NRP2: variants seen among roughly 807,000 people sequenced by gnomAD.
NRP2 encodes the protein neuropilin-2.
A neutral mutation model predicts 110.4 loss-of-function variants in NRP2; 52 were observed. The ratio of observed to expected loss-of-function variants is 0.47; its 90% CI spans 0.38 to 0.59. The LOEUF (loss-of-function observed/expected upper bound fraction) is 0.59, where lower values mean the gene tolerates loss of function less well. NRP2 is among the 20% of genes least tolerant of loss of function. The pLI, the probability that NRP2 is intolerant of heterozygous loss-of-function variation, is 0.00. For synonymous variants in NRP2, 508 were observed against 468.9 expected, an observed-to-expected ratio of 1.08 and a Z score of -1.08; for missense variants, 1,049 against 1,203.0, an observed-to-expected ratio of 0.87 and a Z score of 1.89.
In NRP2 at chr2:205,737,284, A is replaced by C. The variant is rs552602009; in HGVS notation, c.1147-3235A>C. On this transcript the variant is annotated intron_variant, in intron 7 of 16. Transcript: ENST00000357785. ...AGGCTGTAAGGGACAACGGGTAACT[A>C]AAGTGCCCTGTTGCAAAATGGACAC... 2.6e-5 allele frequency among the ~76,000 whole-genome samples: 4 copies of C among 152,358 alleles called. No individual in the cohort carries two copies. In the South Asian group the frequency reaches 8.3e-4, roughly 32 times the overall value.
Position 205,763,708 on chromosome 2 carries a change from C to A in NRP2, c.2079C>A (p.Ser693Arg). The A allele has an allele frequency of 1.9e-6, 3 of 1,614,210 alleles. No homozygotes were observed. The highest frequency in any genetic ancestry group is 2.5e-6 in the Non-Finnish European group (3 of 1,180,040). Residue 693 changes from serine to arginine, a missense_variant, in exon 13 of 17, where the codon AGC becomes AGA. Ser to Arg is a moderately radical substitution (Grantham distance 110, BLOSUM62 -1). Coordinates refer to ENST00000357785, the MANE Select transcript of NRP2 (RefSeq NM_003872.3). This position sits in a 1 kb window ranked among gnomAD's most constrained non-coding sequence, Gnocchi z 4.0. ...ATTTCTTGCGGCTGCAGAGTGACAGCCAGAGAGAGGGCCAGTATGCCCGGC... is the reference window on the plus strand; with the variant it reads ...ATTTCTTGCGGCTGCAGAGTGACAGACAGAGAGAGGGCCAGTATGCCCGGC... ...DRNFLRLQSDSQREGQYARLI... is the reference protein window; with the variant it reads ...DRNFLRLQSDRQREGQYARLI...
At chr2:205,726,990 C>T (rs533139075) in intron 6 of NRP2, among the ~76,000 whole-genome samples, 23 of 152,352 alleles carry the variant, frequency 1.5e-4, no homozygotes, top group African/African-American at 4.6e-4. Context: ...CTCCTCGCAG[C>T]CTGCAAAACT....
At chr2:205,794,101 A>G (rs1465701483) in intron 16 of NRP2, among the ~76,000 whole-genome samples, 3 of 152,074 alleles carry the variant, frequency 2.0e-5, no homozygotes, top group African/African-American at 7.2e-5. Context: ...TGTAAGTCAA[A>G]TTATTTATTT....
intron 15 of NRP2, among the ~76,000 whole-genome samples, chr2:205,784,244 G>A (rs1412249437): frequency 2.0e-5 from 3 of 152,156 alleles, no homozygotes; most frequent in South Asian, 2.1e-4. Context: ...CTCCAGTAAC[G>A]ATGGGTGTGC....
intron 3 of NRP2, among the ~76,000 whole-genome samples, chr2:205,717,611 G>T (rs1224256200): frequency 6.6e-6 from 1 of 152,206 alleles, no homozygotes; most frequent in Non-Finnish European, 1.5e-5. Context: ...TCCCAAGAAG[G>T]TTTCTCTGCC....
At chr2:205,706,010 G>T (rs774928047) in intron 2 of NRP2, among the ~76,000 whole-genome samples, 1 of 151,836 alleles carries the variant, frequency 6.6e-6, no homozygotes, top group African/African-American at 2.4e-5. Context: ...CAAGCCAGAG[G>T]CCTCTCAGTC....
At chr2:205,694,183 G>A (rs1352769816) in intron 1 of NRP2, among the ~76,000 whole-genome samples, 3 of 152,176 alleles carry the variant, frequency 2.0e-5, no homozygotes, top group Non-Finnish European at 2.9e-5. Flanking sequence ...CAATACTTAA[G>A]AAGGAGAAAA....
intron 3 of NRP2, among the ~76,000 whole-genome samples, chr2:205,721,671 T>C (rs1418687174): frequency 6.6e-6 from 1 of 152,190 alleles, no homozygotes; most frequent in African/African-American, 2.4e-5. Context: ...GATGCCTCCA[T>C]GCGTCCCAAG....
At position 205,763,403 on chromosome 2, in the gene NRP2, T is replaced by C. The variant is rs77221736; in HGVS notation, c.2045-271T>C. Among the ~76,000 whole-genome samples, 1,960 of 151,878 alleles carry C rather than the reference T, an allele frequency of 0.013. 40 individuals carry two copies. Among genetic ancestry groups the C allele is most frequent in the African/African-American group, 0.045 (1,847 of 41,402 alleles). On this transcript the variant is annotated intron_variant, in intron 12 of 16. Coordinates refer to ENST00000357785, the MANE Select transcript of NRP2 (RefSeq NM_003872.3). The surrounding 1 kb of genome is among the most constrained non-coding windows in gnomAD (Gnocchi z 4.0). Reference sequence around the variant, plus strand: ...CAAGACATAAGGCAGCTGTGCCGGGTGCTCCATGTGAAAGAGATGGAAAGG... The same window carrying C: ...CAAGACATAAGGCAGCTGTGCCGGGCGCTCCATGTGAAAGAGATGGAAAGG...
intron 15 of NRP2, among the ~76,000 whole-genome samples, chr2:205,773,663 C>T (rs2058056386): frequency 6.6e-6 from 1 of 152,206 alleles, no homozygotes; most frequent in Non-Finnish European, 1.5e-5. Flanking sequence ...TGATTCTCTC[C>T]ATTGTGCCCT....
At chr2:205,715,565 C>T (rs1240128813) in intron 2 of NRP2, among the ~76,000 whole-genome samples, 1 of 152,008 alleles carries the variant, frequency 6.6e-6, no homozygotes, top group Non-Finnish European at 1.5e-5. Flanking sequence ...CTTAGGGAGG[C>T]GGTGGCCCAC....
At position 205,797,933 on chromosome 2, in the gene NRP2, G is replaced by C. The variant is rs1485923859; in HGVS notation, c.*2875G>C. 1 of 152,560 alleles carries C rather than the reference G, an allele frequency of 6.6e-6. No individual in the cohort carries two copies. Among genetic ancestry groups the C allele is most frequent in the Non-Finnish European group, 1.5e-5 (1 of 68,016 alleles). The allele number at this position is 152,560 out of a possible 1,614,324, so 9.5% of individuals were successfully genotyped here. A position where few individuals can be genotyped will look rare whatever the true frequency, so the allele number is the denominator to read the frequency against. ...AGAAAACAAGGGAAAGAGTTAACCTGTCACATAGCAGGTTAACTTTTTCAG... is the reference window on the plus strand; with the variant it reads ...AGAAAACAAGGGAAAGAGTTAACCTCTCACATAGCAGGTTAACTTTTTCAG... On this transcript the variant is annotated 3_prime_UTR_variant, in exon 17 of 17. Coordinates refer to ENST00000357785, the MANE Select transcript of NRP2 (RefSeq NM_003872.3).
intron 11 of NRP2, among the ~76,000 whole-genome samples, chr2:205,752,142 A>AT (rs1326514741): frequency 6.6e-6 from 1 of 152,184 alleles, no homozygotes; most frequent in African/African-American, 2.4e-5. Context: ...GGGATTCAGC[A>AT]TGATGGGAAA....
At position 205,766,671 on chromosome 2, in the gene NRP2, A is replaced by G; in HGVS notation, c.2405-112A>G. 3.0e-6 allele frequency: 3 copies of G among 1,014,246 alleles called. No homozygotes were observed. In the South Asian group the frequency reaches 3.9e-5, roughly 13 times the overall value. The allele number at this position is 1,014,246 out of a possible 1,614,324, so 62.8% of individuals were successfully genotyped here. On this transcript the variant is annotated intron_variant, in intron 14 of 16. Coordinates refer to ENST00000357785, the MANE Select transcript of NRP2 (RefSeq NM_003872.3). ...GGGCCCTCTCCATGGAGTGGTACAA[A>G]AAAACCGAGTGCAGTCATGTTTATC...
At chr2:205,743,700 T>A (rs1166221814) in intron 9 of NRP2, 148 bp downstream of exon 9, 2 of 1,436,846 alleles carry the variant, frequency 1.4e-6, no homozygotes, top group Non-Finnish European at 1.8e-6. Context: ...GAGAGATTAC[T>A]TTGTGCCAGG....
chr2:205,722,914 A>G (rs1302742035), intron 4 of NRP2, among the ~76,000 whole-genome samples: 3 of 152,238 alleles, frequency 2.0e-5, no homozygotes, highest in African/African-American at 7.2e-5. Context: ...ATTTCTTTAG[A>G]AAAGGATAGG....
chr2:205,711,352 C>T (rs891694174), intron 2 of NRP2, among the ~76,000 whole-genome samples: 1 of 152,020 alleles, frequency 6.6e-6, no homozygotes, highest in Non-Finnish European at 1.5e-5. Flanking sequence ...CAAGACCTTT[C>T]CAGATTATAA....
intron 15 of NRP2, among the ~76,000 whole-genome samples, chr2:205,775,815 G>A (rs1203662285): frequency 6.6e-6 from 1 of 152,216 alleles, no homozygotes; most frequent in Non-Finnish European, 1.5e-5. Flanking sequence ...GTATGTATTT[G>A]TGTATGTGTA....
rs1190080491 is a variant in NRP2, at chr2:205,797,503, T to C, written c.*2445T>C. Reference sequence around the variant, plus strand: ...AACCTGCATCCCTCTAAAAGTCCTATATCCATATTCACCATTGGCTAATTT... The same window carrying C: ...AACCTGCATCCCTCTAAAAGTCCTACATCCATATTCACCATTGGCTAATTT... On this transcript the variant is annotated 3_prime_UTR_variant, in exon 17 of 17. Coordinates refer to ENST00000357785, the MANE Select transcript of NRP2 (RefSeq NM_003872.3). The C allele has an allele frequency of 2.6e-5, 4 of 152,268 alleles. No individual in the cohort carries two copies. The highest frequency in any genetic ancestry group is 4.8e-5 in the African/African-American group (2 of 41,446). 9.4% of individuals were successfully genotyped at this position (152,268 alleles called of 1,614,324 possible).
Sources: gnomAD v4.1 joint callset for allele counts (sites outside exome capture counted in the v4.1 genomes callset) on GRCh38, gnomAD v4.1.1 for gene constraint, Gnocchi (gnomAD v3.1) non-coding constraint, MANE v1.5 for transcripts, NCBI Gene and HGNC (gene_info 2026-07-23, HGNC 2026-07-21) for gene names.